PCDH9: variants seen among roughly 807,000 people sequenced by gnomAD.
PCDH9 encodes protocadherin 9, also known as protocadherin-9.
A neutral mutation model predicts 70.6 loss-of-function variants in PCDH9; 24 were observed. The observed-to-expected ratio is 0.34, with a 90% CI of 0.25 to 0.48. The LOEUF (loss-of-function observed/expected upper bound fraction) is 0.48, where lower values mean the gene tolerates loss of function less well. PCDH9 is among the 20% of genes least tolerant of loss of function. PCDH9 has a pLI of 0.99. For synonymous variants in PCDH9, 562 were observed against 558.5 expected (o/e 1.01, Z -0.09); for missense variants, 1,281 against 1,503.6 (o/e 0.85, Z 2.45).
chr13:66,949,915 T>C (rs1168089539), intron 2 of PCDH9, among the ~76,000 whole-genome samples: 1 of 152,014 alleles, frequency 6.6e-6, no homozygotes, highest in Non-Finnish European at 1.5e-5. Flanking sequence ...AAAATTAAAC[T>C]GCTATTCAAG....
intron 4 of PCDH9, among the ~76,000 whole-genome samples, chr13:66,629,637 A>G (rs1260841699): frequency 6.6e-6 from 1 of 152,202 alleles, no homozygotes; most frequent in Non-Finnish European, 1.5e-5. Context: ...ATGTGAAATC[A>G]AAAGATGCAC....
At chr13:66,786,164 G>A (rs1315835349) in intron 3 of PCDH9, among the ~76,000 whole-genome samples, 3 of 152,080 alleles carry the variant, frequency 2.0e-5, no homozygotes, top group African/African-American at 4.8e-5. Context: ...GGGCAATATC[G>A]ATTTCTCTCA....
At chr13:66,361,965 T>G (rs1956478818) in intron 4 of PCDH9, among the ~76,000 whole-genome samples, 1 of 152,156 alleles carries the variant, frequency 6.6e-6, no homozygotes, top group Admixed American at 6.6e-5. Flanking sequence ...TTACTAATTT[T>G]GTAATATCAT....
intron 3 of PCDH9, among the ~76,000 whole-genome samples, chr13:66,802,677 GTAAT>G (rs1243624980): frequency 6.6e-6 from 1 of 151,948 alleles, no homozygotes; most frequent in Admixed American, 6.6e-5. Flanking sequence ...TTATAGTCAA[GTAAT>G]TAAAAAACTA....
At chr13:66,679,110 C>CT (rs2078283574) in intron 3 of PCDH9, among the ~76,000 whole-genome samples, 1 of 151,492 alleles carries the variant, frequency 6.6e-6, no homozygotes, top group African/African-American at 2.4e-5. Context: ...ATTAATTGAG[C>CT]TTTTTCGGTA....
intron 3 of PCDH9, chr13:66,876,740 A>G: frequency 6.6e-6 from 1 of 152,152 alleles, no homozygotes; most frequent in East Asian, 1.9e-4. Context: ...AGATTAAAAT[A>G]CTTTAAACAT....
intron 3 of PCDH9, among the ~76,000 whole-genome samples, chr13:66,775,332 CA>C (rs2079873738): frequency 6.6e-6 from 1 of 152,092 alleles, no homozygotes; most frequent in East Asian, 1.9e-4. Context: ...AAGAGCAAAA[CA>C]AGGCTTTGTT....
chr13:66,917,707 T>C (rs2082578653), intron 2 of PCDH9, among the ~76,000 whole-genome samples: 1 of 151,454 alleles, frequency 6.6e-6, no homozygotes, highest in Admixed American at 6.6e-5. Context: ...GATAAAGAGA[T>C]ACATGAATAT....
At chr13:66,487,907 G>A (rs967975655) in intron 4 of PCDH9, among the ~76,000 whole-genome samples, 3 of 152,152 alleles carry the variant, frequency 2.0e-5, no homozygotes, top group African/African-American at 7.2e-5. Flanking sequence ...ATGAGAACCA[G>A]AAGATATCTC....
chr13:67,061,537 AG>A (rs1248466567), intron 2 of PCDH9, among the ~76,000 whole-genome samples: 3 of 152,106 alleles, frequency 2.0e-5, no homozygotes, highest in Non-Finnish European at 2.9e-5. Flanking sequence ...TTATGAAAAA[AG>A]GATTGGTTTA....
intron 3 of PCDH9, among the ~76,000 whole-genome samples, chr13:66,774,885 T>C: frequency 6.6e-6 from 1 of 152,198 alleles, no homozygotes; most frequent in East Asian, 1.9e-4. Context: ...TTTTGGTACT[T>C]GGTTCCCTGG....
At chr13:66,341,875 CACTTGAAGTGTGTA>C (rs1414732591) in intron 4 of PCDH9, among the ~76,000 whole-genome samples, 1 of 152,164 alleles carries the variant, frequency 6.6e-6, no homozygotes, top group Non-Finnish European at 1.5e-5. Flanking sequence ...TAAATATGCA[CACTTGAAGTGTGTA>C]CTTACGTGCA....
intron 4 of PCDH9, among the ~76,000 whole-genome samples, chr13:66,499,868 T>C (rs992526835): frequency 3.3e-5 from 5 of 152,166 alleles, no homozygotes; most frequent in Non-Finnish European, 7.3e-5. Context: ...AGAGAGCTGG[T>C]TGTTTCAGAG....
chr13:66,478,819 AG>A lies in PCDH9; in HGVS notation c.3340+152390del, dbSNP rs541790859. Among the ~76,000 whole-genome samples, 10 of 152,384 alleles carry A rather than the reference AG, an allele frequency of 6.6e-5. No homozygotes were observed. The East Asian group carries it at 1.7e-3, about 26-fold the overall frequency. ...AAGGCGAAGCAGCAAGTGCTGATGG[AG>A]AAGCTGCAACAAGTTAGCCAGAAGA... On this transcript the variant is annotated intron_variant, in intron 4 of 4. Coordinates refer to ENST00000377865, the MANE Select transcript of PCDH9 (RefSeq NM_203487.3).
chr13:66,543,888 T>C (rs1961072286), intron 4 of PCDH9, among the ~76,000 whole-genome samples: 1 of 152,160 alleles, frequency 6.6e-6, no homozygotes, highest in South Asian at 2.1e-4. Context: ...ATTCTGGAAA[T>C]GAACTTAACG....
At chr13:66,495,561 G>A (rs138807125) in intron 4 of PCDH9, among the ~76,000 whole-genome samples, 15 of 151,354 alleles carry the variant, frequency 9.9e-5, no homozygotes, top group African/African-American at 3.6e-4. Flanking sequence ...TCCATTCAAT[G>A]TTTACTTGCA....
intron 2 of PCDH9, among the ~76,000 whole-genome samples, chr13:67,028,458 A>G (rs549621736): frequency 6.6e-6 from 1 of 150,822 alleles, no homozygotes; most frequent in Admixed American, 6.6e-5. Flanking sequence ...TAGGAGATAT[A>G]CTTAGTGCTA....
chr13:66,488,735 C>T (rs17582618), intron 4 of PCDH9, among the ~76,000 whole-genome samples: 4,984 of 152,178 alleles, frequency 0.033, 135 homozygotes, highest in South Asian at 0.11. Flanking sequence ...AATATAATGA[C>T]ATTGGTGATA....
At chr13:66,905,349 T>C (rs1371485784) in intron 2 of PCDH9, among the ~76,000 whole-genome samples, 1 of 152,162 alleles carries the variant, frequency 6.6e-6, no homozygotes, top group Non-Finnish European at 1.5e-5. Flanking sequence ...CTAAGAAACA[T>C]TTCCTAAATT....
Sources: gnomAD v4.1 joint callset for allele counts (sites outside exome capture counted in the v4.1 genomes callset) on GRCh38, gnomAD v4.1.1 for gene constraint, MANE v1.5 for transcripts, NCBI Gene and HGNC (gene_info 2026-07-23, HGNC 2026-07-21) for gene names.